The following PREP variants were observed in gnomAD, a reference collection of about 807,000 sequenced individuals.
PREP encodes dJ355L5.1 (prolyl endopeptidase).
A neutral mutation model predicts 87.6 loss-of-function variants in PREP; 29 were observed. The ratio of observed to expected loss-of-function variants is 0.33; its 90% CI spans 0.25 to 0.45. The LOEUF is 0.45. PREP is among the 20% of genes least tolerant of loss of function. The probability of loss-of-function intolerance (pLI) is 1.00; values close to 1 mark genes in which losing one functional copy is unlikely to be tolerated. For missense variants in PREP, 695 were observed against 886.5 expected (o/e 0.78, Z 2.74); for synonymous variants, 337 against 328.6 (o/e 1.03, Z -0.28).
intron 6 of PREP, among the ~76,000 whole-genome samples, chr6:105,358,620 T>G (rs1479308142): frequency 6.6e-6 from 1 of 152,084 alleles, no homozygotes; most frequent in Non-Finnish European, 1.5e-5. Flanking sequence ...CCCCCATGCT[T>G]CTTCTCTGGT....
At chr6:105,292,016 TA>T (rs1262658956) in intron 10 of PREP, among the ~76,000 whole-genome samples, 3 of 152,244 alleles carry the variant, frequency 2.0e-5, no homozygotes, top group African/African-American at 7.2e-5. Context: ...GCTCCACTTC[TA>T]ATTCTCGTTC....
intron 8 of PREP, among the ~76,000 whole-genome samples, chr6:105,330,766 T>A (rs1771308057): frequency 6.6e-6 from 1 of 152,178 alleles, no homozygotes; most frequent in South Asian, 2.1e-4. Context: ...CATGAAAAGA[T>A]GTTGGAAAGA....
chr6:105,284,756 G>A (rs1164711129), intron 12 of PREP, among the ~76,000 whole-genome samples: 4 of 152,190 alleles, frequency 2.6e-5, no homozygotes, highest in Non-Finnish European at 5.9e-5. Flanking sequence ...TGGGTGAGGG[G>A]TGCTCCACAT....
intron 2 of PREP, among the ~76,000 whole-genome samples, chr6:105,395,334 ATGT>A (rs1773261564): frequency 1.3e-5 from 2 of 152,178 alleles, no homozygotes; most frequent in African/African-American, 4.8e-5. Flanking sequence ...TTATTTTTTA[ATGT>A]GTAATTGATA....
rs1005878958 is a variant in PREP, at chr6:105,307,873, A to T, written c.1317+15792T>A. Among the ~76,000 whole-genome samples, 11 of 152,122 alleles carry T rather than the reference A, an allele frequency of 7.2e-5. 1 individual carries two copies. Among genetic ancestry groups the T allele is most frequent in the Non-Finnish European group, 2.9e-5 (2 of 68,026 alleles). On this transcript the variant is annotated intron_variant, in intron 10 of 14. Coordinates refer to ENST00000652536, the MANE Select transcript of PREP (RefSeq NM_002726.5). The stretch of plus-strand genomic sequence containing the variant: ...GGTGATCTGCCCGCCTCAGCCTCCC[A>T]AACTGATGAGATTACAGGTGTGAGC...
Position 105,280,457 on chromosome 6 carries a change from TAATGTCTGTTTA to T in PREP, c.1838+1277_1838+1288del, listed in dbSNP as rs1562184689. Among the ~76,000 whole-genome samples the T allele has an allele frequency of 2.0e-5, 3 of 152,360 alleles. No homozygotes were observed. The East Asian group carries it at 5.8e-4, about 29-fold the overall frequency. The stretch of plus-strand genomic sequence containing the variant: ...GGAATGAAGGGCCAAAAAGAAGTTT[TAATGTCTGTTTA>T]CTCATTGTTATCAGCATAGTGGTTG... On this transcript the variant is annotated intron_variant, in intron 14 of 14. Transcript: ENST00000652536.
At chr6:105,306,375 T>C (rs1583045935) in intron 10 of PREP, among the ~76,000 whole-genome samples, 1 of 152,140 alleles carries the variant, frequency 6.6e-6, no homozygotes, top group Non-Finnish European at 1.5e-5. Context: ...TCAGCGCATT[T>C]CCAGTAATAT....
At chr6:105,397,553 T>A (rs1773318111) in intron 2 of PREP, among the ~76,000 whole-genome samples, 1 of 152,230 alleles carries the variant, frequency 6.6e-6, no homozygotes, top group African/African-American at 2.4e-5. Flanking sequence ...GGTTTTCATT[T>A]TTTCTTTTGG....
chr6:105,400,580 C>G (rs1035643395), intron 1 of PREP, among the ~76,000 whole-genome samples: 38 of 152,188 alleles, frequency 2.5e-4, no homozygotes, highest in Admixed American at 3.3e-4. Flanking sequence ...AATGCCTCCC[C>G]CTCCTGATGG....
chr6:105,286,611 G>C (rs981722077), intron 11 of PREP, among the ~76,000 whole-genome samples: 8 of 152,074 alleles, frequency 5.3e-5, no homozygotes, highest in Non-Finnish European at 1.2e-4. Context: ...CACTCTTTTA[G>C]CAACTGGGGA....
chr6:105,298,227 C>G (rs1770453394), intron 10 of PREP: 2 of 152,266 alleles, frequency 1.3e-5, no homozygotes, highest in Admixed American at 6.5e-5. Flanking sequence ...TTGGCACTTG[C>G]AGGACATCTG....
At chr6:105,340,667 T>C (rs548669416) in intron 7 of PREP, among the ~76,000 whole-genome samples, 15 of 152,220 alleles carry the variant, frequency 9.9e-5, no homozygotes, top group African/African-American at 3.4e-4. Flanking sequence ...CAGAGACACA[T>C]ATATGCTGAA....
chr6:105,288,416 T>C (rs1377695041), intron 11 of PREP, among the ~76,000 whole-genome samples: 2 of 152,220 alleles, frequency 1.3e-5, no homozygotes, highest in Non-Finnish European at 2.9e-5. Flanking sequence ...AGTGGCGTGA[T>C]CTTGGCTCAC....
chr6:105,375,742 T>C (rs776770844), intron 4 of PREP, among the ~76,000 whole-genome samples: 1 of 152,244 alleles, frequency 6.6e-6, no homozygotes, highest in Non-Finnish European at 1.5e-5. Flanking sequence ...CTGTTTAATA[T>C]TATAGTTGGA....
chr6:105,329,718 C>T (rs1045878216), intron 8 of PREP, among the ~76,000 whole-genome samples: 1 of 152,196 alleles, frequency 6.6e-6, no homozygotes. Context: ...TTGTTATCCA[C>T]CAGATTCCCT....
intron 7 of PREP, among the ~76,000 whole-genome samples, chr6:105,338,510 C>T (rs1282428842): frequency 1.3e-5 from 2 of 152,228 alleles, no homozygotes; most frequent in African/African-American, 4.8e-5. Flanking sequence ...ACATTTCCAA[C>T]TGAAGTACCG....
chr6:105,371,399 G>C (rs181114544), intron 5 of PREP, among the ~76,000 whole-genome samples: 1 of 150,410 alleles, frequency 6.6e-6, no homozygotes, highest in Admixed American at 6.6e-5. Flanking sequence ...TACTTGGGAG[G>C]CTGAGGCAGG....
intron 11 of PREP, among the ~76,000 whole-genome samples, chr6:105,288,050 G>A (rs1174070165): frequency 6.6e-6 from 1 of 152,162 alleles, no homozygotes; most frequent in Non-Finnish European, 1.5e-5. Context: ...TTAAGACTCT[G>A]CTGGTGAAAA....
chr6:105,288,845 T>C lies in PREP; in HGVS notation c.1367A>G (p.His456Arg). The change falls in exon 11 of 15, where the codon CAT becomes CGT. Residue 456 changes from histidine (H) to arginine (R), a missense_variant. Transcript: ENST00000652536. The stretch of plus-strand genomic sequence containing the variant: ...GCCATCCAATTTTATGCCTTTTTTA[T>C]GCACAATGAACATTGGAATCTTCGT... ...DGTKIPMFIV[H>R]KKGIKLDGSH... 6.2e-7 allele frequency: 1 copy of C among 1,613,844 alleles called. No individual in the cohort carries two copies. The highest frequency in any genetic ancestry group is 8.5e-7 in the Non-Finnish European group (1 of 1,179,678).
Sources: allele counts gnomAD v4.1 joint callset (sites outside exome capture counted in the v4.1 genomes callset), GRCh38; gene constraint gnomAD v4.1.1; transcripts MANE v1.5; gene names NCBI Gene and HGNC (gene_info 2026-07-23, HGNC 2026-07-21).